ANO4: variants seen among roughly 807,000 people sequenced by gnomAD.
ANO4 encodes anoctamin 4, also known as anoctamin-4.
Under a neutral mutation model 141.9 loss-of-function variants are expected in ANO4, and 69 were observed. The ratio of observed to expected loss-of-function variants is 0.49; its 90% CI spans 0.40 to 0.59. The LOEUF (loss-of-function observed/expected upper bound fraction) is 0.59. ANO4 is among the 20% of genes least tolerant of loss of function. The pLI, the probability that ANO4 is intolerant of heterozygous loss-of-function variation, is 0.00. For missense variants in ANO4, 894 were observed against 1,162.2 expected (o/e 0.77, Z 3.36); for synonymous variants, 350 against 394.3 (o/e 0.89, Z 1.33).
At chr12:101,092,523 C>T (rs959846136) in intron 17 of ANO4, among the ~76,000 whole-genome samples, 19 of 147,376 alleles carry the variant, frequency 1.3e-4, no homozygotes, top group Admixed American at 4.0e-4. Context: ...GATCTCTGAG[C>T]GGCTGTGAGT....
Position 100,988,872 on chromosome 12 carries a change from GA to G in ANO4, c.734+1218del, listed in dbSNP as rs748666892. On this transcript the variant is annotated intron_variant, in intron 8 of 27. Transcript: ENST00000392977. ...GGTGACAGAGTGAGACTCTGTCTCAGAAAAAAAAAAAAAAAAGAAAGAAAAA... is the reference window on the plus strand; with the variant it reads ...GGTGACAGAGTGAGACTCTGTCTCAGAAAAAAAAAAAAAAAGAAAGAAAAA... Among the ~76,000 whole-genome samples, 85 of 65,030 alleles carry G rather than the reference GA, an allele frequency of 1.3e-3. 2 individuals are homozygous for G. Among genetic ancestry groups the G allele is most frequent in the Admixed American group, 2.2e-3 (13 of 5,980 alleles). The allele number at this position is 65,030 out of a possible 152,430, so 42.7% of individuals were successfully genotyped here.
intron 3 of ANO4, among the ~76,000 whole-genome samples, chr12:100,761,761 C>T (rs543795270): frequency 6.6e-6 from 1 of 152,258 alleles, no homozygotes; most frequent in East Asian, 1.9e-4. Flanking sequence ...CAGTCATGTG[C>T]CAACCCTGCA....
At chr12:100,858,308 A>G (rs1332990915) in intron 1 of ANO4, among the ~76,000 whole-genome samples, 2 of 151,808 alleles carry the variant, frequency 1.3e-5, no homozygotes, top group Non-Finnish European at 2.9e-5. Context: ...AAAAACTTTA[A>G]CACAGTGGTA....
intron 7 of ANO4, among the ~76,000 whole-genome samples, chr12:100,981,096 A>G (rs754774265): frequency 7.2e-5 from 11 of 152,178 alleles, no homozygotes; most frequent in Non-Finnish European, 1.2e-4. Flanking sequence ...TATACATTCA[A>G]TGCAGTCACA....
chr12:100,840,845 G>T (rs1460481289), intron 1 of ANO4, among the ~76,000 whole-genome samples: 1 of 152,086 alleles, frequency 6.6e-6, no homozygotes, highest in Non-Finnish European at 1.5e-5. Flanking sequence ...TTAGGCTATG[G>T]AATGTTAATT....
intron 1 of ANO4, among the ~76,000 whole-genome samples, chr12:100,893,696 A>G (rs933083060): frequency 6.6e-6 from 1 of 152,142 alleles, no homozygotes; most frequent in Admixed American, 6.5e-5. Flanking sequence ...TTCTCTCTCT[A>G]TTGGGAAGTA....
chr12:101,035,925 A>T (rs1452687798), intron 9 of ANO4, among the ~76,000 whole-genome samples: 1 of 152,174 alleles, frequency 6.6e-6, no homozygotes, highest in African/African-American at 2.4e-5. Flanking sequence ...TGGGTGACAT[A>T]ATAATTACAC....
At chr12:101,004,414 A>G (rs1169256013) in intron 8 of ANO4, among the ~76,000 whole-genome samples, 1 of 152,048 alleles carries the variant, frequency 6.6e-6, no homozygotes, top group Non-Finnish European at 1.5e-5. Context: ...TTTCAGCTGG[A>G]AACTGGAACC....
intron 1 of ANO4, among the ~76,000 whole-genome samples, chr12:100,725,311 A>G (rs1232348442): frequency 6.8e-6 from 1 of 148,028 alleles, no homozygotes; most frequent in Non-Finnish European, 1.5e-5. Flanking sequence ...CTCAGCTTCT[A>G]GTCCCTGTGT....
chr12:101,053,821 C>T (rs2047978067), intron 14 of ANO4, among the ~76,000 whole-genome samples: 1 of 152,234 alleles, frequency 6.6e-6, no homozygotes. Context: ...CTGTTGAAGG[C>T]TGAGAGCTAC....
intron 5 of ANO4, among the ~76,000 whole-genome samples, chr12:100,947,530 A>G (rs961589384): frequency 3.9e-5 from 6 of 152,306 alleles, no homozygotes; most frequent in African/African-American, 1.4e-4. Flanking sequence ...AAATGCACAA[A>G]CAATACAATT....
At chr12:101,066,173 G>C (rs1429564360) in intron 14 of ANO4, among the ~76,000 whole-genome samples, 1 of 152,222 alleles carries the variant, frequency 6.6e-6, no homozygotes, top group Non-Finnish European at 1.5e-5. Context: ...GTGGGGAAAA[G>C]TGAAAACACT....
chr12:100,902,487 A>G (rs545202587), intron 2 of ANO4, among the ~76,000 whole-genome samples: 3 of 152,358 alleles, frequency 2.0e-5, no homozygotes, highest in Admixed American at 1.3e-4. Flanking sequence ...GTTCAAGGAA[A>G]TATCAGTGAC....
chr12:100,959,794 T>C (rs997869059), intron 5 of ANO4, among the ~76,000 whole-genome samples: 8 of 152,220 alleles, frequency 5.3e-5, no homozygotes. Flanking sequence ...CTTCAAATAT[T>C]AGTCTTTTAA....
chr12:100,933,267 C>A (rs551723940), intron 3 of ANO4, among the ~76,000 whole-genome samples: 2 of 152,050 alleles, frequency 1.3e-5, no homozygotes, highest in African/African-American at 4.8e-5. Flanking sequence ...TATCCCTCCC[C>A]GAGCCCCCCA....
At chr12:100,958,118 TG>T in intron 5 of ANO4, among the ~76,000 whole-genome samples, 1 of 152,354 alleles carries the variant, frequency 6.6e-6, no homozygotes, top group Non-Finnish European at 1.5e-5. Context: ...TTTATTCCTT[TG>T]ACTTATTTGC....
intron 7 of ANO4, among the ~76,000 whole-genome samples, chr12:100,975,982 A>G (rs886831495): frequency 2.7e-5 from 4 of 148,756 alleles, no homozygotes; most frequent in Non-Finnish European, 5.9e-5. Flanking sequence ...TGCATCTACT[A>G]TACTTTGTAT....
intron 1 of ANO4, among the ~76,000 whole-genome samples, chr12:100,865,376 C>A (rs1418415955): frequency 6.6e-6 from 1 of 152,146 alleles, no homozygotes; most frequent in Non-Finnish European, 1.5e-5. Flanking sequence ...GAGCAGGCAA[C>A]CTACAGAATG....
chr12:100,932,897 C>G (rs1592755716), intron 3 of ANO4, among the ~76,000 whole-genome samples: 1 of 152,212 alleles, frequency 6.6e-6, no homozygotes, highest in East Asian at 1.9e-4. Context: ...CTGTTTTGTT[C>G]CCAAGTCATT....
Sources: allele counts gnomAD v4.1 joint callset (sites outside exome capture counted in the v4.1 genomes callset), GRCh38; gene constraint gnomAD v4.1.1; transcripts MANE v1.5; gene names NCBI Gene and HGNC (gene_info 2026-07-23, HGNC 2026-07-21).